Variants in ITGAE observed in about 807,000 individuals in gnomAD.
ITGAE encodes the protein integrin alpha-E.
In ITGAE, 99 loss-of-function variants were observed where a neutral mutation model predicts 136.5. The observed-to-expected ratio is 0.73, with a 90% confidence interval of 0.62 to 0.86. ITGAE has a LOEUF of 0.86. Ranked by LOEUF, ITGAE falls within the 40% of genes least tolerant of loss-of-function variation. ITGAE has a pLI of 0.00. For missense variants in ITGAE, 1,447 were observed against 1,515.3 expected (o/e 0.95, Z 0.75); for synonymous variants, 613 against 591.8 (o/e 1.04, Z -0.52).
Position 3,777,524 on chromosome 17 carries a change from C to T in ITGAE, c.155+16G>A, listed in dbSNP as rs758939150. 1 of 1,598,952 alleles carries T rather than the reference C, an allele frequency of 6.3e-7. No individual in the cohort carries two copies. Among genetic ancestry groups the T allele is most frequent in the Admixed American group, 1.7e-5 (1 of 57,570 alleles). On this transcript the variant is annotated intron_variant, in intron 2 of 30. Coordinates refer to ENST00000263087, the MANE Select transcript of ITGAE (RefSeq NM_002208.5). The stretch of plus-strand genomic sequence containing the variant: ...CCCCTCAGTCTGAAGGCCTCTTGCC[C>T]ACCGGCCCTACTCACCAGGTCTGGT...
intron 1 of ITGAE, among the ~76,000 whole-genome samples, chr17:3,786,142 G>A (rs1373869591): frequency 6.7e-6 from 1 of 148,798 alleles, no homozygotes; most frequent in East Asian, 2.0e-4. Flanking sequence ...ACTCCAGCCT[G>A]GGTGACAGAG....
At chr17:3,725,198 A>T (rs1399894972) in intron 26 of ITGAE, 4 of 1,614,088 alleles carry the variant, frequency 2.5e-6, no homozygotes, top group Non-Finnish European at 3.4e-6. Context: ...CAGAATGTTC[A>T]AACCGGCCTG....
In ITGAE at chr17:3,753,364, A is replaced by G. The variant is rs1239628762; in HGVS notation, c.1594T>C (p.Leu532=). ...DIDMDGSTDF[L]LVAAPFYHVH... is the part of the protein sequence containing the mutation. ...TGGTAAAATGGAGCAGCCACCAGCA[A>G]GAAGTCCGTGCTTCCATCCATGTCA... The change falls in exon 14 of 31, where the codon TTG becomes CTG. Residue 532 remains leucine, a synonymous_variant. Coordinates refer to ENST00000263087, the MANE Select transcript of ITGAE (RefSeq NM_002208.5). 1 of 1,614,064 alleles carries G rather than the reference A, an allele frequency of 6.2e-7. No homozygotes were observed. The highest frequency in any genetic ancestry group is 8.5e-7 in the Non-Finnish European group (1 of 1,180,032).
rs137926927 is a variant in ITGAE at position 3,725,658 on chromosome 17, A to G, written c.3085-1914T>C. 8.1e-6 allele frequency: 13 copies of G among 1,597,520 alleles called. No individual in the cohort carries two copies. In the African/African-American group the frequency reaches 1.8e-4, roughly 22 times the overall value. ...GGGATCTTACCCTCCCTTGCTCCTC[A>G]AAGCCTGGGATCACTATAATTCAAC... is the stretch of plus-strand genomic sequence containing the variant. On this transcript the variant is annotated intron_variant, in intron 26 of 30. Coordinates refer to ENST00000263087, the MANE Select transcript of ITGAE (RefSeq NM_002208.5).
chr17:3,737,394 G>A (rs2051483164), intron 20 of ITGAE, among the ~76,000 whole-genome samples: 1 of 151,758 alleles, frequency 6.6e-6, no homozygotes, highest in Admixed American at 6.6e-5. Flanking sequence ...AGGGGGGACA[G>A]AGGAGTTAAG....
In ITGAE at chr17:3,790,892, C is replaced by T. The variant is rs545534167; in HGVS notation, c.34+10219G>A. On this transcript the variant is annotated intron_variant, in intron 1 of 30. Transcript: ENST00000263087. ...TTTGGAGGCCGGGCATGGTGGCTCA[C>T]GCCTGTAATCCCAGCACTTTGGGAG... is the stretch of plus-strand genomic sequence containing the variant. Among the ~76,000 whole-genome samples the T allele has an allele frequency of 2.6e-4, 40 of 152,154 alleles. No homozygotes were observed. In the South Asian group the frequency reaches 6.7e-3, roughly 25 times the overall value.
At chr17:3,780,410 A>G (rs935570833) in intron 1 of ITGAE, among the ~76,000 whole-genome samples, 2 of 151,498 alleles carry the variant, frequency 1.3e-5, no homozygotes, top group Admixed American at 6.6e-5. Context: ...TGATCCGCCC[A>G]CCTCGGCCTC....
In ITGAE at chr17:3,727,994, GT is replaced by G. The variant is rs777567316; in HGVS notation, c.3008del (p.Tyr1003SerfsTer17). ...TGGTTGGGACGCAAATTTGCAACTG[GT>G]ATTCTGCTCCAAAGAGGTTCTCCCC... ...VHGENLFGAE[Y>X]QLQICVPTKL... On this transcript the variant is annotated frameshift_variant, in exon 26 of 31. Coordinates refer to ENST00000263087, the MANE Select transcript of ITGAE (RefSeq NM_002208.5). LOFTEE classifies it high-confidence loss of function. 10 of 1,614,012 alleles carry G rather than the reference GT, an allele frequency of 6.2e-6. No individual in the cohort carries two copies. The highest frequency in any genetic ancestry group is 8.5e-6 in the Non-Finnish European group (10 of 1,179,902).
At chr17:3,793,333 G>C (rs1400830216) in intron 1 of ITGAE, among the ~76,000 whole-genome samples, 4 of 151,874 alleles carry the variant, frequency 2.6e-5, no homozygotes, top group Middle Eastern at 3.2e-3. Context: ...TTACAGGTGT[G>C]AGCCATCATG....
intron 7 of ITGAE, among the ~76,000 whole-genome samples, chr17:3,759,788 C>T (rs2052120791): frequency 6.6e-6 from 1 of 152,220 alleles, no homozygotes; most frequent in African/African-American, 2.4e-5. Context: ...GCCCTCCATA[C>T]TGACGATGGG....
At chr17:3,746,784 G>T (rs1372522137) in intron 17 of ITGAE, among the ~76,000 whole-genome samples, 1 of 150,038 alleles carries the variant, frequency 6.7e-6, no homozygotes, top group East Asian at 2.0e-4. Flanking sequence ...GTAGAGACGG[G>T]GTTTCACCGT....
chr17:3,759,485 A>C lies in ITGAE; in HGVS notation c.783T>G (p.Asp261Glu). The change falls in exon 8 of 31, where the codon GAT becomes GAG. Residue 261 changes from aspartate (D) to glutamate (E), a missense_variant. Physicochemically the swap from Asp to Glu is conservative, Grantham distance 45. Around this residue, in one of 3 missense-constraint regions of ITGAE, gnomAD observed 310 missense variants for 416.1 expected, o/e 0.74. Coordinates refer to ENST00000263087, the MANE Select transcript of ITGAE (RefSeq NM_002208.5). ...GGACTCTGGCGAGGGAGGCCATCAC[A>C]TCCTGGCTGTCCCGAAGGTCAAACT... ...QTEFDLRDSQDVMASLARVQN... is the reference protein window; with the variant it reads ...QTEFDLRDSQEVMASLARVQN... 2 of 1,614,228 alleles carry C rather than the reference A, an allele frequency of 1.2e-6. No individual in the cohort carries two copies. Among genetic ancestry groups the C allele is most frequent in the Non-Finnish European group, 1.7e-6 (2 of 1,180,038 alleles).
intron 25 of ITGAE, 27 bp downstream of exon 25, chr17:3,728,078 T>C: frequency 6.2e-7 from 1 of 1,603,188 alleles, no homozygotes; most frequent in Non-Finnish European, 8.5e-7. Context: ...CTTTGCCATC[T>C]ACAGCTTTAC....
intron 12 of ITGAE, among the ~76,000 whole-genome samples, chr17:3,754,404 T>G (rs1597335347): frequency 6.6e-6 from 1 of 152,158 alleles, no homozygotes; most frequent in African/African-American, 2.4e-5. Flanking sequence ...TCCGAGTACG[T>G]GGGACTACAG....
intron 1 of ITGAE, among the ~76,000 whole-genome samples, chr17:3,787,710 G>T (rs1256790658): frequency 6.7e-6 from 1 of 148,652 alleles, no homozygotes; most frequent in African/African-American, 2.5e-5. Context: ...TTTTTTGAGA[G>T]GGAGTTTTGC....
chr17:3,747,520 A>G (rs2051745510), intron 17 of ITGAE, among the ~76,000 whole-genome samples: 1 of 152,124 alleles, frequency 6.6e-6, no homozygotes, highest in South Asian at 2.1e-4. Flanking sequence ...CATGTTAGGC[A>G]GGATGGTCTC....
At chr17:3,716,068 A>C (rs530992134) in intron 30 of ITGAE, among the ~76,000 whole-genome samples, 5 of 151,936 alleles carry the variant, frequency 3.3e-5, no homozygotes, top group South Asian at 4.2e-4. Context: ...GAGGCAGGAG[A>C]ATCTCTTGAA....
intron 20 of ITGAE, among the ~76,000 whole-genome samples, chr17:3,738,245 A>G (rs886133624): frequency 1.5e-4 from 21 of 138,094 alleles, no homozygotes; most frequent in African/African-American, 5.3e-4. Context: ...ATCTCGGCTC[A>G]CTGCACCCTC....
chr17:3,797,279 C>T (rs1170774584), intron 1 of ITGAE, among the ~76,000 whole-genome samples: 1 of 149,550 alleles, frequency 6.7e-6, no homozygotes, highest in South Asian at 2.1e-4. Context: ...CATTCTCCTG[C>T]CTCAGCCTCC....
Sources: allele counts gnomAD v4.1 joint callset (sites outside exome capture counted in the v4.1 genomes callset), GRCh38; gene constraint gnomAD v4.1.1; regional missense constraint gnomAD v4.1.1; transcripts MANE v1.5; gene names NCBI Gene and HGNC (gene_info 2026-07-23, HGNC 2026-07-21).